Variants in DMBT1 observed in about 807,000 individuals in gnomAD.
DMBT1 encodes deleted in malignant brain tumors 1, also known as scavenger receptor cysteine-rich domain-containing protein DMBT1.
DMBT1 carries 198 observed loss-of-function variants against 252.9 expected under a neutral mutation model. The observed-to-expected ratio is 0.78, with a 90% CI of 0.70 to 0.88. DMBT1 has a LOEUF of 0.88. DMBT1 is among the 40% of genes least tolerant of loss of function. DMBT1 has a pLI of 0.00. For missense variants in DMBT1, 2,432 were observed against 2,404.7 expected (o/e 1.01, Z -0.24); for synonymous variants, 990 against 942.7 (o/e 1.05, Z -0.92).
chr10:122,618,452 T>A (rs2098023500), intron 41 of DMBT1, 112 bp downstream of exon 41: 1 of 1,550,806 alleles, frequency 6.4e-7, no homozygotes, highest in East Asian at 2.3e-5. Flanking sequence ...TTTTCTATAT[T>A]TCTGAAGTCT....
intron 14 of DMBT1, among the ~76,000 whole-genome samples, chr10:122,584,850 C>G: frequency 6.7e-6 from 1 of 149,276 alleles, no homozygotes; most frequent in Non-Finnish European, 1.5e-5. Context: ...ATAGGCCATG[C>G]TCGGGCAGGG....
chr10:122,629,819 T>C, intron 46 of DMBT1, 21 bp from the exon 47 acceptor site: 1 of 1,611,600 alleles, frequency 6.2e-7, no homozygotes, highest in Non-Finnish European at 8.5e-7. Flanking sequence ...ACAATGGAGA[T>C]GTCCCCTCTC....
At position 122,586,482 on chromosome 10, in the gene DMBT1, T is replaced by G. The variant is rs1480725675; in HGVS notation, c.1783+99T>G. ...TCCTCACTTAGAGCTTTTTCAACTT[T>G]TCCTATATTTCTGATACCTCCTTAG... is the stretch of plus-strand genomic sequence containing the variant. On this transcript the variant is annotated intron_variant, in intron 16 of 55. Coordinates refer to ENST00000338354, the MANE Select transcript of DMBT1 (RefSeq NM_001377530.1). The G allele has an allele frequency of 2.7e-6, 4 of 1,494,176 alleles. No individual in the cohort carries two copies. In the African/African-American group the frequency reaches 5.5e-5, roughly 21 times the overall value. The allele number at this position is 1,494,176 out of a possible 1,614,324, so 92.6% of individuals were successfully genotyped here. A position where few individuals can be genotyped will look rare whatever the true frequency, so the allele number is the denominator to read the frequency against.
At chr10:122,579,998 T>A in intron 10 of DMBT1, 97 bp downstream of exon 10, 1 of 1,570,806 alleles carries the variant, frequency 6.4e-7, no homozygotes, top group Non-Finnish European at 8.6e-7. Context: ...AAAGCTTCTA[T>A]GTTTTCTATG....
Position 122,621,226 on chromosome 10 carries a change from C to T in DMBT1, c.5454C>T (p.Ala1818=), listed in dbSNP as rs766370554. Residue 1818 remains alanine, a synonymous_variant, in exon 44 of 56, where the codon GCC becomes GCT. Coordinates refer to ENST00000338354, the MANE Select transcript of DMBT1 (RefSeq NM_001377530.1). ...TGGGCTGTGGCTGGGCCATGTCGGCCCCAGGAAATGCCCGGTTTGGCCAGG... is the reference window on the plus strand; with the variant it reads ...TGGGCTGTGGCTGGGCCATGTCGGCTCCAGGAAATGCCCGGTTTGGCCAGG... ...RQLGCGWAMS[A]PGNARFGQGS... 4 of 1,613,682 alleles carry T rather than the reference C, an allele frequency of 2.5e-6. No individual in the cohort carries two copies. The highest frequency in any genetic ancestry group is 1.7e-6 in the Non-Finnish European group (2 of 1,179,790).
At chr10:122,621,525 C>T in intron 44 of DMBT1, 145 bp downstream of exon 44, 6 of 1,411,988 alleles carry the variant, frequency 4.2e-6, no homozygotes, top group East Asian at 2.4e-5. Flanking sequence ...GCTAAGAATC[C>T]ATATGAATTC....
chr10:122,570,104 A>T, intron 2 of DMBT1, 58 bp from the exon 3 acceptor site: 2 of 1,463,992 alleles, frequency 1.4e-6, no homozygotes, highest in Non-Finnish European at 1.9e-6. Context: ...GAAGCCAGGG[A>T]CCAGCCCTCC....
At chr10:122,631,808 C>T in intron 49 of DMBT1, 47 bp from the exon 50 acceptor site, 2 of 1,611,508 alleles carry the variant, frequency 1.2e-6, no homozygotes, top group Non-Finnish European at 1.7e-6. Flanking sequence ...GCCCCTCCTC[C>T]AAGCCACATG....
rs1218365498 is a variant in DMBT1 at position 122,589,044 on chromosome 10, T to A, written c.1884T>A (p.Asp628Glu). ...GAGGCTCTTGGGGCACCGTGTGTGA[T>A]GACAGCTGGGACACCAATGATGCCA... Reference protein sequence around the residue: ...LYRGSWGTVCDDSWDTNDANV... With the variant: ...LYRGSWGTVCEDSWDTNDANV... The change falls in exon 17 of 56, where the codon GAT becomes GAA. Residue 628 changes from aspartate (D) to glutamate (E), a missense_variant. Physicochemically the swap from Asp to Glu is conservative, Grantham distance 45. Coordinates refer to ENST00000338354, the MANE Select transcript of DMBT1 (RefSeq NM_001377530.1). 1 of 1,588,884 alleles carries A rather than the reference T, an allele frequency of 6.3e-7. No homozygotes were observed. Among genetic ancestry groups the A allele is most frequent in the East Asian group, 2.3e-5 (1 of 42,772 alleles).
intron 3 of DMBT1, 140 bp from the exon 4 acceptor site, chr10:122,570,750 C>A: frequency 1.9e-6 from 2 of 1,049,346 alleles, no homozygotes; most frequent in Non-Finnish European, 3.0e-6. Context: ...CAGTGATTGG[C>A]ACATGGTTGG....
intron 40 of DMBT1, 85 bp from the exon 41 acceptor site, chr10:122,617,932 T>C: frequency 6.3e-7 from 1 of 1,582,064 alleles, no homozygotes; most frequent in Non-Finnish European, 8.6e-7. Flanking sequence ...CTCTGGCCAT[T>C]AGGAAGTACC....
chr10:122,643,704 G>T lies in DMBT1; in HGVS notation c.*306G>T. ...CTTACTTCTTAGCACTGTTGAGAGG[G>T]TTACTTACATAAAGGAATTTTGGTG... On this transcript the variant is annotated 3_prime_UTR_variant, in exon 56 of 56. Transcript: ENST00000338354. 1 of 369,730 alleles carries T rather than the reference G, an allele frequency of 2.7e-6. No homozygotes were observed. Among genetic ancestry groups the T allele is most frequent in the Non-Finnish European group, 5.0e-6 (1 of 201,234 alleles). The allele number at this position is 369,730 out of a possible 1,614,324, so 22.9% of individuals were successfully genotyped here. A position where few individuals can be genotyped will look rare whatever the true frequency, so the allele number is the denominator to read the frequency against.
rs115544351 is a variant in DMBT1, at chr10:122,566,750, T to A, written c.91+754T>A. On this transcript the variant is annotated intron_variant, in intron 2 of 55. Transcript: ENST00000338354. The stretch of plus-strand genomic sequence containing the variant: ...TTTAAAAAATACTTAAAATACCACC[T>A]GGCACCTAATAAGTGCTCAACTAAT... Among the ~76,000 whole-genome samples the A allele has an allele frequency of 8.7e-3, 1,321 of 152,346 alleles. 17 individuals carry two copies. Among genetic ancestry groups the A allele is most frequent in the African/African-American group, 0.03 (1,245 of 41,564 alleles).
Position 122,589,070 on chromosome 10 carries a change from A to G in DMBT1, c.1910A>G (p.Asn637Ser), listed in dbSNP as rs2097822691. 1.9e-6 allele frequency: 3 copies of G among 1,588,710 alleles called. No homozygotes were observed. The African/African-American group carries it at 4.0e-5, about 21-fold the overall frequency. The part of the protein sequence containing the change: ...CDDSWDTNDA[N>S]VVCRQLGCGW... ...GACAGCTGGGACACCAATGATGCCAATGTGGTCTGCAGGCAGCTGGGCTGT... is the reference window on the plus strand; with the variant it reads ...GACAGCTGGGACACCAATGATGCCAGTGTGGTCTGCAGGCAGCTGGGCTGT... Residue 637 changes from asparagine (N) to serine (S), a missense_variant, in exon 17 of 56, where the codon AAT becomes AGT. Coordinates refer to ENST00000338354, the MANE Select transcript of DMBT1 (RefSeq NM_001377530.1).
At chr10:122,571,071 C>A in intron 4 of DMBT1, 134 bp downstream of exon 4, 1 of 1,106,102 alleles carries the variant, frequency 9.0e-7, no homozygotes, top group Non-Finnish European at 1.4e-6. Flanking sequence ...GTGTGGATAT[C>A]ACCTTGCTCT....
At chr10:122,623,860 A>G (rs935604129) in intron 44 of DMBT1, among the ~76,000 whole-genome samples, 5 of 152,180 alleles carry the variant, frequency 3.3e-5, no homozygotes, top group Non-Finnish European at 5.9e-5. Context: ...ACATTCCTTC[A>G]TGGAGGCCTA....
intron 54 of DMBT1, among the ~76,000 whole-genome samples, chr10:122,638,151 G>T (rs2133695370): frequency 6.6e-6 from 1 of 152,260 alleles, no homozygotes; most frequent in African/African-American, 2.4e-5. Flanking sequence ...CCCAGTGAAG[G>T]CCTGGCCTTA....
chr10:122,579,817 G>C lies in DMBT1; in HGVS notation c.919G>C (p.Glu307Gln). 6.2e-7 allele frequency: 1 copy of C among 1,613,576 alleles called. No homozygotes were observed. The highest frequency in any genetic ancestry group is 1.1e-5 in the South Asian group (1 of 91,052). ...VLDDVRCSGH[E>Q]SYLWSCPHNG... is the part of the protein sequence containing the mutation. ...GGATGATGTGCGCTGCTCAGGACAT[G>C]AGTCCTACCTGTGGAGCTGCCCCCA... Residue 307 changes from glutamate (E) to glutamine (Q), a missense_variant, in exon 10 of 56, where the codon GAG (glutamate) becomes CAG (glutamine). This residue lies in a region of DMBT1 where 1,264 missense variants were observed against 1,082.2 expected (regional missense o/e 1.17). Coordinates refer to ENST00000338354, the MANE Select transcript of DMBT1 (RefSeq NM_001377530.1).
chr10:122,576,296 C>T, intron 6 of DMBT1, 103 bp from the exon 7 acceptor site: 2 of 1,480,524 alleles, frequency 1.4e-6, no homozygotes, highest in Non-Finnish European at 1.8e-6. Context: ...TAGAGATTCT[C>T]TCAAAGATAT....
Sources: gnomAD v4.1 joint callset for allele counts (sites outside exome capture counted in the v4.1 genomes callset) on GRCh38, gnomAD v4.1.1 for gene constraint, gnomAD v4.1.1 regional missense constraint, MANE v1.5 for transcripts, NCBI Gene and HGNC (gene_info 2026-07-23, HGNC 2026-07-21) for gene names.